Variants in PEBP4 observed in about 807,000 individuals in gnomAD.
PEBP4 encodes the protein phosphatidylethanolamine-binding protein 4.
In PEBP4, 22 loss-of-function variants were observed where a neutral mutation model predicts 23.9. The ratio of observed to expected loss-of-function variants is 0.92; its 90% CI spans 0.66 to 1.31. The LOEUF (loss-of-function observed/expected upper bound fraction) is 1.31. PEBP4 is among the 40% of genes most tolerant of loss of function. The pLI is 0.00. For synonymous variants in PEBP4, 112 were observed against 99.3 expected (o/e 1.13, Z -0.76); for missense variants, 324 against 281.7 (o/e 1.15, Z -1.07).
intron 4 of PEBP4, among the ~76,000 whole-genome samples, chr8:22,737,972 A>T (rs1350101029): frequency 6.6e-6 from 1 of 152,060 alleles, no homozygotes; most frequent in African/African-American, 2.4e-5. Context: ...GGGGCTGAGG[A>T]TGGGGATGCT....
At position 22,731,255 on chromosome 8, in the gene PEBP4, C is replaced by A. The variant is rs28569795; in HGVS notation, c.358-4035G>T. The stretch of plus-strand genomic sequence containing the variant: ...ACCTCCTCCACCTCTTCCACCTCTT[C>A]TGCCTCTGCCACCCCAAGACAGCAA... On this transcript the variant is annotated intron_variant, in intron 4 of 6. Transcript: ENST00000256404. Among the ~76,000 whole-genome samples the A allele has an allele frequency of 9.4e-3, 1,431 of 152,290 alleles. 25 individuals carry two copies. Among genetic ancestry groups the A allele is most frequent in the African/African-American group, 0.032 (1,340 of 41,544 alleles).
chr8:22,855,030 A>G (rs556541430), intron 3 of PEBP4, among the ~76,000 whole-genome samples: 41 of 68,064 alleles, frequency 6.0e-4, no homozygotes, highest in East Asian at 5.7e-3. Context: ...ACACACACAC[A>G]CACACACACA....
intron 1 of PEBP4, among the ~76,000 whole-genome samples, chr8:22,940,676 A>G (rs1044652975): frequency 1.6e-4 from 25 of 151,988 alleles, no homozygotes; most frequent in African/African-American, 5.8e-4. Context: ...TTTTCAGTAG[A>G]GACGGGGTTT....
Position 22,927,691 on chromosome 8 carries a change from G to A in PEBP4, c.24C>T (p.Val8=). Residue 8 remains valine, a synonymous_variant, in exon 2 of 7, where the codon GTC becomes GTT. Coordinates refer to ENST00000256404, the MANE Select transcript of PEBP4 (RefSeq NM_144962.3). ...TGAGACCCAGTAACAGTGCTGCTGT[G>A]ACCAGCCTCATTGTCCAACCCATGG... The part of the protein sequence containing the change: MGWTMRL[V]TAALLLGLMM... 2 of 1,613,672 alleles carry A rather than the reference G, an allele frequency of 1.2e-6. No homozygotes were observed. The highest frequency in any genetic ancestry group is 8.5e-7 in the Non-Finnish European group (1 of 1,179,768).
intron 4 of PEBP4, among the ~76,000 whole-genome samples, chr8:22,743,419 G>A (rs887400119): frequency 2.6e-5 from 4 of 152,222 alleles, no homozygotes; most frequent in African/African-American, 7.2e-5. Context: ...ACAGGCTAAT[G>A]ACGGCCCTCG....
chr8:22,757,295 C>G (rs1805405040), intron 4 of PEBP4: 1 of 152,248 alleles, frequency 6.6e-6, no homozygotes, highest in Non-Finnish European at 1.5e-5. Context: ...GACTCGGAGG[C>G]CCAAGCCAGT....
At chr8:22,901,008 T>C (rs1202702619) in intron 3 of PEBP4, among the ~76,000 whole-genome samples, 2 of 152,230 alleles carry the variant, frequency 1.3e-5, no homozygotes, top group Non-Finnish European at 2.9e-5. Flanking sequence ...AGGAGGATGA[T>C]AAAATGTTTA....
chr8:22,930,479 G>C (rs543505187), upstream of PEBP4, among the ~76,000 whole-genome samples: 3 of 152,134 alleles, frequency 2.0e-5, no homozygotes, highest in African/African-American at 7.2e-5. Context: ...AGACTGTCCA[G>C]CATTCTGAGC....
At position 22,896,518 on chromosome 8, in the gene PEBP4, C is replaced by T. The variant is rs532188205; in HGVS notation, c.258+23666G>A. Reference sequence around the variant, plus strand: ...TCAGGCGCACTCCTACTCTCACTTTCCTGACATTTTGTGTTTCTGATTCAG... The same window carrying T: ...TCAGGCGCACTCCTACTCTCACTTTTCTGACATTTTGTGTTTCTGATTCAG... On this transcript the variant is annotated intron_variant, in intron 3 of 6. Coordinates refer to ENST00000256404, the MANE Select transcript of PEBP4 (RefSeq NM_144962.3). Among the ~76,000 whole-genome samples, 3 of 152,292 alleles carry T rather than the reference C, an allele frequency of 2.0e-5. No individual in the cohort carries two copies. The South Asian group carries it at 6.2e-4, about 32-fold the overall frequency.
intron 4 of PEBP4, among the ~76,000 whole-genome samples, chr8:22,794,914 G>T (rs967691362): frequency 6.6e-6 from 1 of 151,772 alleles, no homozygotes; most frequent in African/African-American, 2.4e-5. Context: ...CTGATAAAGA[G>T]TGTCAACATT....
At chr8:22,844,254 T>TTATG (rs1807381983) in intron 3 of PEBP4, among the ~76,000 whole-genome samples, 1 of 152,216 alleles carries the variant, frequency 6.6e-6, no homozygotes, top group East Asian at 1.9e-4. Flanking sequence ...ATTTATTTAT[T>TTATG]TTGAGACAGA....
At chr8:22,773,272 G>C (rs532649406) in intron 4 of PEBP4, among the ~76,000 whole-genome samples, 1 of 152,104 alleles carries the variant, frequency 6.6e-6, no homozygotes, top group Non-Finnish European at 1.5e-5. Context: ...AAGGCAGTTC[G>C]CTCAAGCACC....
At chr8:22,829,206 C>G (rs569398161) in intron 3 of PEBP4, among the ~76,000 whole-genome samples, 5 of 152,298 alleles carry the variant, frequency 3.3e-5, no homozygotes, top group African/African-American at 1.2e-4. Flanking sequence ...CCCAGCTTTC[C>G]TTTACTTCCA....
intron 4 of PEBP4, 42 bp from the exon 5 acceptor site, chr8:22,727,262 C>T: frequency 6.2e-7 from 1 of 1,606,344 alleles, no homozygotes; most frequent in South Asian, 1.1e-5. Flanking sequence ...ATGTCTTGGG[C>T]ACACTTCAGG....
intron 1 of PEBP4, among the ~76,000 whole-genome samples, chr8:22,934,466 T>C (rs953963384): frequency 6.6e-6 from 1 of 151,388 alleles, no homozygotes; most frequent in Non-Finnish European, 1.5e-5. Context: ...AAATGAGAAG[T>C]GAATAAAACA....
At chr8:22,792,113 C>T (rs1373062259) in intron 4 of PEBP4, among the ~76,000 whole-genome samples, 1 of 152,018 alleles carries the variant, frequency 6.6e-6, no homozygotes. Context: ...CCTGCCCCAG[C>T]CTCCCAAAGT....
At chr8:22,906,081 A>G (rs1431108563) in intron 3 of PEBP4, among the ~76,000 whole-genome samples, 2 of 152,160 alleles carry the variant, frequency 1.3e-5, no homozygotes, top group East Asian at 1.9e-4. Context: ...GAGAAATGCT[A>G]TGGAGGTGGA....
At chr8:22,922,581 C>CA (rs1809230100) in intron 2 of PEBP4, among the ~76,000 whole-genome samples, 8 of 94,202 alleles carry the variant, frequency 8.5e-5, no homozygotes, top group South Asian at 3.2e-4. Context: ...AAAAAACAAA[C>CA]AAACAAAAAA....
intron 1 of PEBP4, among the ~76,000 whole-genome samples, chr8:22,938,277 C>T (rs1466164510): frequency 6.6e-6 from 1 of 152,168 alleles, no homozygotes; most frequent in Non-Finnish European, 1.5e-5. Context: ...TCTGTCTTCC[C>T]AATCAGCTGT....
Sources: allele counts gnomAD v4.1 joint callset (sites outside exome capture counted in the v4.1 genomes callset), GRCh38; gene constraint gnomAD v4.1.1; transcripts MANE v1.5; gene names NCBI Gene and HGNC (gene_info 2026-07-23, HGNC 2026-07-21).